CD163L1: variants seen among roughly 807,000 people sequenced by gnomAD.
The protein encoded by CD163L1 is scavenger receptor cysteine-rich type 1 protein M160.
CD163L1 carries 124 observed loss-of-function variants against 165.4 expected under a neutral mutation model. The ratio of observed to expected loss-of-function variants is 0.75; its 90% CI spans 0.65 to 0.87. CD163L1 has a LOEUF of 0.87. Among genes scored for constraint, CD163L1 ranks in the 40% least tolerant of loss-of-function variants. The pLI is 0.00. For missense variants in CD163L1, 1,525 were observed against 1,799.9 expected, an observed-to-expected ratio of 0.85 and a Z score of 2.76; for synonymous variants, 585 against 662.2, an observed-to-expected ratio of 0.88 and a Z score of 1.79.
In CD163L1 at chr12:7,439,802, T is replaced by C. The variant is rs11053878; in HGVS notation, c.124+1352A>G. ...CCCTCGATCTTTATGTCCAGGATCT[T>C]CTCCACCTCGAACACATCCTCTCCG... On this transcript the variant is annotated intron_variant, in intron 2 of 19. Coordinates refer to ENST00000313599, the MANE Select transcript of CD163L1 (RefSeq NM_174941.6). 62 of 1,613,808 alleles carry C rather than the reference T, an allele frequency of 3.8e-5. 1 individual carries two copies. The East Asian group carries it at 1.3e-3, about 35-fold the overall frequency.
In CD163L1 at chr12:7,444,096, C is replaced by A. The variant is rs1565823444; in HGVS notation, c.31+1G>T. 6.2e-7 allele frequency: 1 copy of A among 1,613,738 alleles called. No homozygotes were observed. The highest frequency in any genetic ancestry group is 8.5e-7 in the Non-Finnish European group (1 of 1,179,742). On this transcript the variant is annotated splice_donor_variant, in intron 1 of 19. Coordinates refer to ENST00000313599, the MANE Select transcript of CD163L1 (RefSeq NM_174941.6). LOFTEE classifies it high-confidence loss of function. ...AGAGCAAAATAAAAGCAAAACCTTA[C>A]CAATATGCCACGAGTTTTGAGGCAG...
At chr12:7,327,108 C>T in the CD163L1 span, 4 of 1,586,536 alleles carry the variant, frequency 2.5e-6, no homozygotes, top group Admixed American at 3.6e-5. Flanking sequence ...AAGTGCTTTG[C>T]CCAAAAGTTA....
chr12:7,360,438 C>T (rs942626361), intron 18 of CD163L1, among the ~76,000 whole-genome samples: 6 of 152,144 alleles, frequency 3.9e-5, no homozygotes, highest in Admixed American at 6.6e-5. Context: ...CCACCACACA[C>T]CACCAGTATG....
At chr12:7,410,008 A>G (rs773314017) in intron 4 of CD163L1, among the ~76,000 whole-genome samples, 50 of 152,284 alleles carry the variant, frequency 3.3e-4, no homozygotes, top group Admixed American at 2.0e-3. Context: ...GACAAAATAA[A>G]AGGCAAGACT....
At chr12:7,439,625 T>C (rs1591976551) in intron 2 of CD163L1, 1 of 1,610,348 alleles carries the variant, frequency 6.2e-7, no homozygotes, top group Non-Finnish European at 8.5e-7. Flanking sequence ...AGTCTCTGAA[T>C]ATCCTTCCTG....
At position 7,369,441 on chromosome 12, in the gene CD163L1, C is replaced by A. The variant is rs1947097953; in HGVS notation, c.3955G>T (p.Glu1319Ter). ...WLDDMRCKGN[E>*]SFLWDCHAKP... is the part of the protein sequence containing the mutation. The stretch of plus-strand genomic sequence containing the variant: ...GCGTGACAGTCCCATAGAAATGACT[C>A]ATTTCCTTTGCACCGCATGTCATCC... Residue 1319 changes from glutamate (E) to a stop codon, truncating the protein, a stop_gained, in exon 15 of 20, where the codon GAG becomes TAG. Transcript: ENST00000313599. LOFTEE classifies it high-confidence loss of function. The surrounding 1 kb of genome is among the most constrained non-coding windows in gnomAD (Gnocchi z 4.9). 4 of 1,614,072 alleles carry A rather than the reference C, an allele frequency of 2.5e-6. No individual in the cohort carries two copies. In the African/African-American group the frequency reaches 4.0e-5, roughly 16 times the overall value.
Position 7,407,810 on chromosome 12 carries a change from C to G in CD163L1, c.767-958G>C, listed in dbSNP as rs35379466. Among the ~76,000 whole-genome samples, 16 of 135,196 alleles carry G rather than the reference C, an allele frequency of 1.2e-4. No individual in the cohort carries two copies. The South Asian group carries it at 2.4e-3, about 20-fold the overall frequency. 88.7% of individuals were successfully genotyped at this position (135,196 alleles called of 152,430 possible). On this transcript the variant is annotated intron_variant, in intron 4 of 19. Transcript: ENST00000313599. Reference sequence around the variant, plus strand: ...ACACACACACACACACACACACAGACACACACACACACACACATACACACA... The same window carrying G: ...ACACACACACACACACACACACAGAGACACACACACACACACATACACACA...
In CD163L1 at chr12:7,368,577, A is replaced by G. The variant is rs1323697726; in HGVS notation, c.4072+356T>C. The stretch of plus-strand genomic sequence containing the variant: ...GAGTCTCATTCTGTCACCCAGGCTG[A>G]GTGTACTGGCACGATCTCGGCTCAC... On this transcript the variant is annotated intron_variant, in intron 16 of 19. Transcript: ENST00000313599. The surrounding 1 kb of genome is among the most constrained non-coding windows in gnomAD (Gnocchi z 4.3). Among the ~76,000 whole-genome samples, 3 of 144,988 alleles carry G rather than the reference A, an allele frequency of 2.1e-5. No homozygotes were observed. The highest frequency in any genetic ancestry group is 4.5e-5 in the Non-Finnish European group (3 of 66,990).
At chr12:7,397,262 C>G (rs1947796752) in intron 7 of CD163L1, among the ~76,000 whole-genome samples, 2 of 152,114 alleles carry the variant, frequency 1.3e-5, no homozygotes, top group South Asian at 4.1e-4. Flanking sequence ...TTGCACTGGA[C>G]AAAGTGGGAA....
chr12:7,443,054 A>T (rs184485060), intron 1 of CD163L1, among the ~76,000 whole-genome samples: 2 of 152,326 alleles, frequency 1.3e-5, no homozygotes, highest in Admixed American at 6.5e-5. Flanking sequence ...AAGTTAAATA[A>T]TATTATCTTT....
At chr12:7,383,253 C>G (rs2136455351) in intron 8 of CD163L1, among the ~76,000 whole-genome samples, 1 of 152,280 alleles carries the variant, frequency 6.6e-6, no homozygotes, top group African/African-American at 2.4e-5. Flanking sequence ...GCCTTGAGGA[C>G]AGACCTGCAC....
intron 4 of CD163L1, among the ~76,000 whole-genome samples, chr12:7,430,610 G>A (rs1427719082): frequency 6.6e-6 from 1 of 152,128 alleles, no homozygotes; most frequent in Non-Finnish European, 1.5e-5. Context: ...TAGCATATTT[G>A]AGAGAAGGCG....
chr12:7,442,179 G>T (rs1466829300), intron 1 of CD163L1, among the ~76,000 whole-genome samples: 1 of 152,196 alleles, frequency 6.6e-6, no homozygotes, highest in Non-Finnish European at 1.5e-5. Context: ...TGAGGGGTAT[G>T]TAACAGCTGT....
At chr12:7,358,166 T>C (rs1428055345) in intron 18 of CD163L1, among the ~76,000 whole-genome samples, 5 of 152,124 alleles carry the variant, frequency 3.3e-5, no homozygotes, top group African/African-American at 7.2e-5. Flanking sequence ...TTGCAACTTA[T>C]AGAGCAGAAA....
chr12:7,333,805 G>T, the CD163L1 span, among the ~76,000 whole-genome samples: 1 of 152,200 alleles, frequency 6.6e-6, no homozygotes, highest in East Asian at 1.9e-4. Flanking sequence ...TGACAAAGGG[G>T]ATATCACCAC....
chr12:7,407,824 CACAT>C (rs966304032), intron 4 of CD163L1, among the ~76,000 whole-genome samples: 5 of 151,428 alleles, frequency 3.3e-5, no homozygotes, highest in Middle Eastern at 3.4e-3. Context: ...CACACACACA[CACAT>C]ACACACACAA....
chr12:7,414,622 T>C (rs1223073383), intron 4 of CD163L1, among the ~76,000 whole-genome samples: 1 of 152,094 alleles, frequency 6.6e-6, no homozygotes, highest in Non-Finnish European at 1.5e-5. Flanking sequence ...GAACTCCAAA[T>C]AGATTGAACA....
the CD163L1 span, among the ~76,000 whole-genome samples, chr12:7,334,303 G>C: frequency 1.4e-3 from 220 of 152,040 alleles, no homozygotes; most frequent in African/African-American, 3.4e-3. Flanking sequence ...TGATCAAGTC[G>C]GCTTCATCCC....
At chr12:7,437,286 A>G (rs1037557682) in intron 2 of CD163L1, among the ~76,000 whole-genome samples, 1 of 145,448 alleles carries the variant, frequency 6.9e-6, no homozygotes, top group Non-Finnish European at 1.5e-5. Context: ...TTTTATTTTA[A>G]TAGTATTACT....
Sources: allele counts gnomAD v4.1 joint callset (sites outside exome capture counted in the v4.1 genomes callset), GRCh38; gene constraint gnomAD v4.1.1; non-coding constraint Gnocchi (gnomAD v3.1); transcripts MANE v1.5; gene names NCBI Gene and HGNC (gene_info 2026-07-23, HGNC 2026-07-21).